Variants in BTBD7 observed in about 807,000 individuals in gnomAD.
BTBD7 encodes BTB domain containing 7.
BTBD7 carries 38 observed loss-of-function variants against 99.9 expected under a neutral mutation model. That is an observed-to-expected ratio of 0.38 (90% CI 0.29 to 0.50). The LOEUF (loss-of-function observed/expected upper bound fraction) is 0.50. Ranked by LOEUF, BTBD7 falls within the 20% of genes least tolerant of loss-of-function variation. The pLI is 0.93. For missense variants in BTBD7, 1,170 were observed against 1,394.6 expected (o/e 0.84, Z 2.57); for synonymous variants, 520 against 511.4 (o/e 1.02, Z -0.23).
At chr14:93,292,275 TAAA>T (rs1311296352) in intron 3 of BTBD7, among the ~76,000 whole-genome samples, 2 of 152,006 alleles carry the variant, frequency 1.3e-5, no homozygotes, top group Admixed American at 1.3e-4. Flanking sequence ...GCATCAAAAA[TAAA>T]AATATTTTGA....
At chr14:93,319,592 G>A (rs1241383029) in intron 1 of BTBD7, among the ~76,000 whole-genome samples, 1 of 152,122 alleles carries the variant, frequency 6.6e-6, no homozygotes, top group African/African-American at 2.4e-5. Context: ...TGATAAGTGA[G>A]TATCTAAAAT....
rs1347256754 is a variant in BTBD7 at position 93,240,968 on chromosome 14, G to GT, written c.*1304dup. ...TTTTGAAAATCGTTTAAAAGAAAAC[G>GT]TATCTTTACAAACACCAAATAACAT... is the stretch of plus-strand genomic sequence containing the variant. On this transcript the variant is annotated 3_prime_UTR_variant, in exon 11 of 11. Coordinates refer to ENST00000334746, the MANE Select transcript of BTBD7 (RefSeq NM_001002860.4). 1 of 152,374 alleles carries GT rather than the reference G, an allele frequency of 6.6e-6. No individual in the cohort carries two copies. The highest frequency in any genetic ancestry group is 2.4e-5 in the African/African-American group (1 of 41,400). The allele number at this position is 152,374 out of a possible 1,614,324, so 9.4% of individuals were successfully genotyped here.
At chr14:93,303,740 C>T (rs976073763) in intron 1 of BTBD7, among the ~76,000 whole-genome samples, 1 of 152,214 alleles carries the variant, frequency 6.6e-6, no homozygotes, top group African/African-American at 2.4e-5. Flanking sequence ...TCAGAGCTCA[C>T]ACTCCAAATG....
intron 8 of BTBD7, 70 bp from the exon 9 acceptor site, chr14:93,248,724 G>A: frequency 1.5e-6 from 2 of 1,365,742 alleles, no homozygotes; most frequent in Admixed American, 2.8e-5. Context: ...TGAGCCCAAG[G>A]GAAAAAAGCA....
intron 3 of BTBD7, among the ~76,000 whole-genome samples, chr14:93,264,455 A>G (rs761439184): frequency 2.1e-4 from 32 of 152,204 alleles, no homozygotes; most frequent in Non-Finnish European, 4.1e-4. Flanking sequence ...GTATGAAAAC[A>G]TAGCACCTTG....
At chr14:93,314,730 T>C (rs1165081788) in intron 1 of BTBD7, among the ~76,000 whole-genome samples, 1 of 152,206 alleles carries the variant, frequency 6.6e-6, no homozygotes, top group African/African-American at 2.4e-5. Flanking sequence ...TGAAGACATA[T>C]TGTCAGAAGA....
At position 93,275,890 on chromosome 14, in the gene BTBD7, T is replaced by C. The variant is rs141217858; in HGVS notation, c.1163-11897A>G. ...TGTGGTACATGACCATTTATCCACA[T>C]AGAAACGTATCTTTCAAGTCTCTGT... On this transcript the variant is annotated intron_variant, in intron 3 of 10. Coordinates refer to ENST00000334746, the MANE Select transcript of BTBD7 (RefSeq NM_001002860.4). Among the ~76,000 whole-genome samples the C allele has an allele frequency of 5.3e-5, 8 of 152,340 alleles. No individual in the cohort carries two copies. In the East Asian group the frequency reaches 1.3e-3, roughly 26 times the overall value.
At chr14:93,269,319 G>A (rs193032724) in intron 3 of BTBD7, among the ~76,000 whole-genome samples, 1 of 152,298 alleles carries the variant, frequency 6.6e-6, no homozygotes, top group Admixed American at 6.5e-5. Context: ...GAATGAAAAT[G>A]TAAATATAGC....
intron 1 of BTBD7, among the ~76,000 whole-genome samples, chr14:93,309,508 C>T (rs1484253088): frequency 6.6e-6 from 1 of 151,324 alleles, no homozygotes; most frequent in Non-Finnish European, 1.5e-5. Context: ...CCTCCACACC[C>T]CTGCTAAACA....
chr14:93,258,286 A>C (rs1595292569), intron 5 of BTBD7, among the ~76,000 whole-genome samples: 1 of 152,182 alleles, frequency 6.6e-6, no homozygotes, highest in East Asian at 1.9e-4. Flanking sequence ...ATTCATTCAG[A>C]ATAAAATTGT....
chr14:93,270,892 C>T (rs918617770), intron 3 of BTBD7, among the ~76,000 whole-genome samples: 1 of 152,170 alleles, frequency 6.6e-6, no homozygotes, highest in Non-Finnish European at 1.5e-5. Flanking sequence ...CCACACTTTA[C>T]AGATCCATCT....
At chr14:93,321,517 C>T (rs1260128960) in intron 1 of BTBD7, among the ~76,000 whole-genome samples, 9 of 152,130 alleles carry the variant, frequency 5.9e-5, no homozygotes, top group Non-Finnish European at 7.4e-5. Flanking sequence ...CGCTTGAACC[C>T]GGGAGGTGGA....
chr14:93,272,081 G>A lies in BTBD7; in HGVS notation c.1163-8088C>T, dbSNP rs562960172. Among the ~76,000 whole-genome samples the A allele has an allele frequency of 1.8e-4, 27 of 152,244 alleles. No homozygotes were observed. In the South Asian group the frequency reaches 5.4e-3, roughly 30 times the overall value. The stretch of plus-strand genomic sequence containing the variant: ...TGCCTGTAATCCCAGCACTTTGGGA[G>A]GCCGAGGTGGGCGGATCACCAGGTC... On this transcript the variant is annotated intron_variant, in intron 3 of 10. Transcript: ENST00000334746.
At chr14:93,309,814 TTCC>T (rs1372475667) in intron 1 of BTBD7, among the ~76,000 whole-genome samples, 1 of 152,210 alleles carries the variant, frequency 6.6e-6, no homozygotes, top group Non-Finnish European at 1.5e-5. Flanking sequence ...ATCTCATCCC[TTCC>T]TATTACTTGT....
intron 3 of BTBD7, among the ~76,000 whole-genome samples, chr14:93,285,382 T>C (rs544775857): frequency 1.3e-5 from 2 of 152,288 alleles, no homozygotes; most frequent in African/African-American, 4.8e-5. Context: ...CGACTAAAAA[T>C]ATGGGCAAAT....
rs377241792 is a variant in BTBD7 at position 93,312,912 on chromosome 14, AC to A, written c.-106-16756del. On this transcript the variant is annotated intron_variant, in intron 1 of 10. Transcript: ENST00000334746. ...CTGGGTCTCTTCTTCGGCCTCTTGA[AC>A]CTAATGCCATGCCCACTGGAGTGAC... Among the ~76,000 whole-genome samples the A allele has an allele frequency of 3.2e-3, 488 of 152,092 alleles. 1 individual carries two copies. Among genetic ancestry groups the A allele is most frequent in the Non-Finnish European group, 5.0e-3 (338 of 67,992 alleles).
chr14:93,247,203 T>C (rs956951845), intron 9 of BTBD7, among the ~76,000 whole-genome samples: 5 of 152,136 alleles, frequency 3.3e-5, no homozygotes, highest in Non-Finnish European at 2.9e-5. Context: ...ATTTATTATA[T>C]TTTTTGTAGA....
At chr14:93,332,538 C>G (rs1397999338) in intron 1 of BTBD7, among the ~76,000 whole-genome samples, 1 of 151,504 alleles carries the variant, frequency 6.6e-6, no homozygotes, top group Non-Finnish European at 1.5e-5. Flanking sequence ...CCGCTCTCCC[C>G]GCCCCGAGCG....
chr14:93,306,411 C>T (rs1254396205), intron 1 of BTBD7, among the ~76,000 whole-genome samples: 1 of 148,446 alleles, frequency 6.7e-6, no homozygotes, highest in African/African-American at 2.5e-5. Flanking sequence ...CCAGACTAGC[C>T]TGGGCAACAA....
Sources: gnomAD v4.1 joint callset for allele counts (sites outside exome capture counted in the v4.1 genomes callset) on GRCh38, gnomAD v4.1.1 for gene constraint, MANE v1.5 for transcripts, NCBI Gene and HGNC (gene_info 2026-07-23, HGNC 2026-07-21) for gene names.